The following KIFAP3 variants were observed in gnomAD, a reference collection of about 807,000 sequenced individuals.
KIFAP3 encodes the protein kinesin associated protein 3, also known as kinesin-associated protein 3.
Under a neutral mutation model 106.5 loss-of-function variants are expected in KIFAP3, and 68 were observed. That is an observed-to-expected ratio of 0.64 (90% confidence interval 0.53 to 0.78). KIFAP3 has a LOEUF of 0.78. KIFAP3 is among the 30% of genes least tolerant of loss of function. The pLI is 0.00. For synonymous variants in KIFAP3, 320 were observed against 311.5 expected, an observed-to-expected ratio of 1.03 and a Z score of -0.29; for missense variants, 780 against 941.8, an observed-to-expected ratio of 0.83 and a Z score of 2.25.
At chr1:169,953,247 G>A (rs1420578612) in intron 19 of KIFAP3, among the ~76,000 whole-genome samples, 2 of 151,912 alleles carry the variant, frequency 1.3e-5, no homozygotes, top group African/African-American at 2.4e-5. Flanking sequence ...AAACAATACT[G>A]GCCTGACTTT....
intron 17 of KIFAP3, among the ~76,000 whole-genome samples, chr1:169,972,219 A>G (rs1217146797): frequency 6.6e-6 from 1 of 152,008 alleles, no homozygotes; most frequent in Non-Finnish European, 1.5e-5. Context: ...ACTGTCTTCC[A>G]ACACCCCACT....
intron 10 of KIFAP3, among the ~76,000 whole-genome samples, chr1:170,011,831 A>C (rs1668257459): frequency 6.6e-6 from 1 of 152,144 alleles, no homozygotes; most frequent in Admixed American, 6.6e-5. Flanking sequence ...AGTTTAGCTT[A>C]CTGTGTTAGG....
At chr1:169,951,793 T>C (rs1045928699) in intron 19 of KIFAP3, among the ~76,000 whole-genome samples, 1 of 151,906 alleles carries the variant, frequency 6.6e-6, no homozygotes, top group African/African-American at 2.4e-5. Context: ...TTTATAGCAG[T>C]TGGTTTTCTT....
Position 170,070,034 on chromosome 1 carries a change from T to A in KIFAP3, c.32+4402A>T, listed in dbSNP as rs1247957175. On this transcript the variant is annotated intron_variant, in intron 1 of 19. Transcript: ENST00000361580. The stretch of plus-strand genomic sequence containing the variant: ...TTTTCTACATATTGGAGCTGAAAAA[T>A]ATGAAAAGGAAATTTAGAAAACTTC... Among the ~76,000 whole-genome samples, 3 of 151,804 alleles carry A rather than the reference T, an allele frequency of 2.0e-5. No individual in the cohort carries two copies. The East Asian group carries it at 5.8e-4, about 29-fold the overall frequency.
At chr1:170,010,224 T>C (rs1668176341) in intron 10 of KIFAP3, among the ~76,000 whole-genome samples, 1 of 152,032 alleles carries the variant, frequency 6.6e-6, no homozygotes. Context: ...AATATTCATA[T>C]ATAAGGTTTT....
intron 1 of KIFAP3, among the ~76,000 whole-genome samples, chr1:170,059,815 A>T (rs1440855825): frequency 6.6e-6 from 1 of 152,224 alleles, no homozygotes; most frequent in Non-Finnish European, 1.5e-5. Context: ...AAGCTTATCC[A>T]CCATGATCAA....
chr1:170,038,881 G>A (rs1342509345), intron 4 of KIFAP3, among the ~76,000 whole-genome samples: 1 of 152,134 alleles, frequency 6.6e-6, no homozygotes, highest in Non-Finnish European at 1.5e-5. Context: ...TCAGGAGTTT[G>A]AGACAAGCCT....
chr1:169,961,250 C>G lies in KIFAP3; in HGVS notation c.1984-15G>C. 6.3e-7 allele frequency: 1 copy of G among 1,598,290 alleles called. No homozygotes were observed. ...TCATCATATTCCTATTGAAAACAAA[C>G]AGTCAACTGTTATTATATAAGCTAA... On this transcript the variant is annotated splice_polypyrimidine_tract_variant and intron_variant, in intron 17 of 19. Transcript: ENST00000361580.
At chr1:169,965,312 G>A (rs887694908) in intron 17 of KIFAP3, among the ~76,000 whole-genome samples, 3 of 151,776 alleles carry the variant, frequency 2.0e-5, no homozygotes, top group Admixed American at 2.0e-4. Flanking sequence ...ATTCCTTCAA[G>A]GAAAAAGAAA....
Position 170,046,755 on chromosome 1 carries a change from C to G in KIFAP3, c.276G>C (p.Leu92=). ...HPSKLNEVEQ[L]LYYLQNRRDS... is the part of the protein sequence containing the mutation. Reference sequence around the variant, plus strand: ...CACGGCGGTTCTGTAGATAGTACAACAGCTGTTCTACCTCATTTAGTTTTG... The same window carrying G: ...CACGGCGGTTCTGTAGATAGTACAAGAGCTGTTCTACCTCATTTAGTTTTG... The change falls in exon 3 of 20, where the codon CTG becomes CTC. Residue 92 remains leucine, a synonymous_variant. Coordinates refer to ENST00000361580, the MANE Select transcript of KIFAP3 (RefSeq NM_014970.4). 6.2e-7 allele frequency: 1 copy of G among 1,605,578 alleles called. No homozygotes were observed. The highest frequency in any genetic ancestry group is 1.7e-4 in the Middle Eastern group (1 of 6,030).
At chr1:169,973,497 T>C (rs1666054316) in intron 16 of KIFAP3, among the ~76,000 whole-genome samples, 1 of 148,688 alleles carries the variant, frequency 6.7e-6, no homozygotes, top group African/African-American at 2.5e-5. Context: ...GAGGATGATA[T>C]ACCAAGTCAA....
At chr1:170,001,400 A>T (rs995993064) in intron 10 of KIFAP3, among the ~76,000 whole-genome samples, 25 of 152,252 alleles carry the variant, frequency 1.6e-4, no homozygotes, top group African/African-American at 3.4e-4. Flanking sequence ...TTAAGAAAAA[A>T]GGCTTCTTGA....
At chr1:169,934,319 T>C (rs10919270) in intron 19 of KIFAP3, among the ~76,000 whole-genome samples, 22,766 of 152,124 alleles carry the variant, frequency 0.15, 1,800 homozygotes, top group Middle Eastern at 0.2. Context: ...ACTGTTTGTA[T>C]AAATAAGGTT....
intron 1 of KIFAP3, among the ~76,000 whole-genome samples, chr1:170,060,144 A>T (rs1283427143): frequency 6.6e-6 from 1 of 152,178 alleles, no homozygotes; most frequent in African/African-American, 2.4e-5. Flanking sequence ...CCTATTCAAC[A>T]TAGTGTTGGA....
chr1:169,959,358 T>A (rs986419302), intron 18 of KIFAP3, among the ~76,000 whole-genome samples: 1 of 152,086 alleles, frequency 6.6e-6, no homozygotes, highest in Non-Finnish European at 1.5e-5. Context: ...CTAAAAAAAA[T>A]TGCTTGCTAT....
At chr1:169,962,610 C>A (rs955790451) in intron 17 of KIFAP3, among the ~76,000 whole-genome samples, 4 of 151,922 alleles carry the variant, frequency 2.6e-5, no homozygotes, top group African/African-American at 9.7e-5. Context: ...AGAGGTAGAC[C>A]AAATATATAT....
In KIFAP3 at chr1:169,921,399, T is replaced by C. The variant is rs1662815265; in HGVS notation, c.*277A>G. ...TAACATACATAATGCAGTGTTTGTT[T>C]TCCAGTCTAGTAGCTTTTCAGCATT... On this transcript the variant is annotated 3_prime_UTR_variant, in exon 20 of 20. Coordinates refer to ENST00000361580, the MANE Select transcript of KIFAP3 (RefSeq NM_014970.4). 3.9e-6 allele frequency: 1 copy of C among 257,986 alleles called. No homozygotes were observed. Among genetic ancestry groups the C allele is most frequent in the East Asian group, 7.6e-5 (1 of 13,092 alleles). The allele number at this position is 257,986 out of a possible 1,614,324, so 16.0% of individuals were successfully genotyped here.
chr1:170,038,214 T>C lies in KIFAP3; in HGVS notation c.517+76A>G, dbSNP rs12120229. ...GAAAGAAATAAAGAGCTGGAAAATA[T>C]ATGAAGTCTTAAGTTTTGTATAAAT... On this transcript the variant is annotated intron_variant, in intron 5 of 19. Coordinates refer to ENST00000361580, the MANE Select transcript of KIFAP3 (RefSeq NM_014970.4). 0.08 allele frequency: 90,820 copies of C among 1,128,240 alleles called. 4,174 individuals are homozygous for C. Among genetic ancestry groups the C allele is most frequent in the Middle Eastern group, 0.099 (328 of 3,310 alleles). The allele number at this position is 1,128,240 out of a possible 1,614,324, so 69.9% of individuals were successfully genotyped here.
At chr1:169,953,354 G>A (rs945972376) in intron 19 of KIFAP3, among the ~76,000 whole-genome samples, 1 of 151,988 alleles carries the variant, frequency 6.6e-6, no homozygotes, top group Non-Finnish European at 1.5e-5. Context: ...TATGTCTTGG[G>A]TAATTGTTAA....
Sources: allele counts gnomAD v4.1 joint callset (sites outside exome capture counted in the v4.1 genomes callset), GRCh38; gene constraint gnomAD v4.1.1; transcripts MANE v1.5; gene names NCBI Gene and HGNC (gene_info 2026-07-23, HGNC 2026-07-21).